Variants in FBRSL1 observed in about 807,000 individuals in gnomAD.
FBRSL1 encodes fibrosin-1-like protein.
Under a neutral mutation model 89.6 loss-of-function variants are expected in FBRSL1, and 51 were observed. The ratio of observed to expected loss-of-function variants is 0.57; its 90% CI spans 0.45 to 0.72. The LOEUF (loss-of-function observed/expected upper bound fraction) is 0.72. FBRSL1 is among the 30% of genes least tolerant of loss of function. The probability of loss-of-function intolerance (pLI) is 0.00; values close to 1 mark genes in which losing one functional copy is unlikely to be tolerated. For synonymous variants in FBRSL1, 779 were observed against 681.1 expected (o/e 1.14, Z -2.24); for missense variants, 1,618 against 1,451.8 (o/e 1.11, Z -1.86).
At chr12:132,517,308 T>A (rs893992897) in intron 2 of FBRSL1, among the ~76,000 whole-genome samples, 2 of 151,672 alleles carry the variant, frequency 1.3e-5, no homozygotes, top group African/African-American at 4.8e-5. Flanking sequence ...TAGGTGGGAG[T>A]GGAAGAGGAA....
chr12:132,509,755 G>T (rs2034116100), intron 2 of FBRSL1: 2 of 1,231,232 alleles, frequency 1.6e-6, no homozygotes, highest in African/African-American at 1.6e-5. Context: ...TGTCACTGTG[G>T]CCAGCCCGGT....
chr12:132,508,355 G>T lies in FBRSL1; in HGVS notation c.489+5G>T. 1.3e-6 allele frequency: 2 copies of T among 1,502,502 alleles called. No homozygotes were observed. Among genetic ancestry groups the T allele is most frequent in the Non-Finnish European group, 8.9e-7 (1 of 1,125,056 alleles). 93.1% of individuals were successfully genotyped at this position (1,502,502 alleles called of 1,614,324 possible). ...CCACTGCAGCCCTCCAAGCAGGTGA[G>T]CAGGTCCCTCCCCGACCGGAAGCTC... On this transcript the variant is annotated splice_donor_5th_base_variant and intron_variant, in intron 2 of 18. Transcript: ENST00000680143.
chr12:132,543,125 GGTGACA>G (rs1167218275), intron 4 of FBRSL1, among the ~76,000 whole-genome samples: 2 of 152,174 alleles, frequency 1.3e-5, no homozygotes, highest in Non-Finnish European at 2.9e-5. Context: ...TGGCAGTGGT[GGTGACA>G]GTGACAGTGA....
At chr12:132,537,090 G>T (rs1224512351) in intron 4 of FBRSL1, among the ~76,000 whole-genome samples, 1 of 152,192 alleles carries the variant, frequency 6.6e-6, no homozygotes, top group Non-Finnish European at 1.5e-5. Flanking sequence ...GAGACAGCTG[G>T]AGGGCCAGAG....
intron 6 of FBRSL1, 64 bp downstream of exon 6, chr12:132,567,590 G>A: frequency 6.7e-7 from 1 of 1,491,048 alleles, no homozygotes; most frequent in Non-Finnish European, 9.1e-7. Context: ...CCTGCGTCTT[G>A]GCGGCAGGAC....
intron 1 of FBRSL1, among the ~76,000 whole-genome samples, chr12:132,505,065 G>A (rs1423622987): frequency 6.6e-6 from 1 of 152,174 alleles, no homozygotes; most frequent in Non-Finnish European, 1.5e-5. Flanking sequence ...TGCAGAAGTT[G>A]CAGTGAGCCA....
At position 132,529,356 on chromosome 12, in the gene FBRSL1, C is replaced by T. The variant is rs183880154; in HGVS notation, c.615+1368C>T. On this transcript the variant is annotated intron_variant, in intron 4 of 18. Coordinates refer to ENST00000680143, the MANE Select transcript of FBRSL1 (RefSeq NM_001367871.1). ...AGCGGCAAGGGAGCGGCATGGGCGG[C>T]GCGGCCACAGGCCAGGAGTGGACCC... is the stretch of plus-strand genomic sequence containing the variant. 5.3e-5 allele frequency among the ~76,000 whole-genome samples: 8 copies of T among 152,308 alleles called. No homozygotes were observed. The East Asian group carries it at 5.8e-4, about 11-fold the overall frequency.
chr12:132,501,215 C>T (rs2032910774), intron 1 of FBRSL1, among the ~76,000 whole-genome samples: 1 of 152,216 alleles, frequency 6.6e-6, no homozygotes. Context: ...GAGCCCAGCC[C>T]CTACCAGCCC....
chr12:132,568,862 G>A (rs2039815531), intron 6 of FBRSL1, among the ~76,000 whole-genome samples: 1 of 151,944 alleles, frequency 6.6e-6, no homozygotes, highest in African/African-American at 2.4e-5. Context: ...GAGTGAAGAT[G>A]GGGCTGCTTC....
chr12:132,509,403 C>G (rs976181927), intron 2 of FBRSL1: 1 of 1,242,386 alleles, frequency 8.0e-7, no homozygotes, highest in African/African-American at 1.6e-5. Context: ...CCAGCCCCGG[C>G]GGTCACTTCT....
chr12:132,490,427 G>C lies in FBRSL1; in HGVS notation c.-144G>C. 4.0e-6 allele frequency: 2 copies of C among 496,630 alleles called. No individual in the cohort carries two copies. The highest frequency in any genetic ancestry group is 5.1e-6 in the Non-Finnish European group (2 of 391,594). 30.8% of individuals were successfully genotyped at this position (496,630 alleles called of 1,614,324 possible). A position where few individuals can be genotyped will look rare whatever the true frequency, so the allele number is the denominator to read the frequency against. On this transcript the variant is annotated 5_prime_UTR_variant, in exon 1 of 19. Coordinates refer to ENST00000680143, the MANE Select transcript of FBRSL1 (RefSeq NM_001367871.1). The stretch of plus-strand genomic sequence containing the variant: ...CCCCCGCGCCCGGCATGCCCGGCCC[G>C]GCCCGCCGCCCGCCGCCGCCCAGGG...
rs1315522186 is a variant in FBRSL1, at chr12:132,572,674, G to C, written c.1530+52G>C. On this transcript the variant is annotated intron_variant, in intron 11 of 18. Transcript: ENST00000680143. ...GGGCACAGCGGGTGGGTGGATTTTG[G>C]GGGGAGTGCATGACAACCTCGCCAA... is the stretch of plus-strand genomic sequence containing the variant. The C allele has an allele frequency of 4.6e-6, 6 of 1,311,900 alleles. No individual in the cohort carries two copies. The East Asian group carries it at 1.5e-4, about 33-fold the overall frequency. 81.3% of individuals were successfully genotyped at this position (1,311,900 alleles called of 1,614,324 possible).
chr12:132,562,823 G>A (rs910652579), intron 5 of FBRSL1, among the ~76,000 whole-genome samples: 5 of 152,144 alleles, frequency 3.3e-5, no homozygotes, highest in African/African-American at 1.2e-4. Flanking sequence ...AGGCCCTTGC[G>A]ACGTGACTAG....
chr12:132,511,234 ACTGAAGGGTTGC>A (rs1488613288), intron 2 of FBRSL1: 1 of 984,192 alleles, frequency 1.0e-6, no homozygotes, highest in African/African-American at 1.8e-5. Context: ...GTGGGCATGC[ACTGAAGGGTTGC>A]CTGCAGGGTC....
intron 1 of FBRSL1, among the ~76,000 whole-genome samples, chr12:132,496,444 T>C (rs2032046138): frequency 6.6e-6 from 1 of 152,208 alleles, no homozygotes; most frequent in Non-Finnish European, 1.5e-5. Flanking sequence ...CTTGTGTTTT[T>C]GTCACTCTGG....
At chr12:132,503,090 G>C (rs2033222263) in intron 1 of FBRSL1, among the ~76,000 whole-genome samples, 1 of 151,760 alleles carries the variant, frequency 6.6e-6, no homozygotes, top group African/African-American at 2.4e-5. Flanking sequence ...GGCCAAGCTG[G>C]GCCTCACAGT....
chr12:132,551,389 G>A, intron 5 of FBRSL1: 1 of 456,040 alleles, frequency 2.2e-6, no homozygotes, highest in Non-Finnish European at 4.4e-6. Context: ...TGGGGTCTGT[G>A]GGCGCTGACC....
intron 5 of FBRSL1, among the ~76,000 whole-genome samples, chr12:132,563,373 G>A (rs117385254): frequency 0.025 from 1,038 of 41,662 alleles, 24 homozygotes; most frequent in East Asian, 0.082. Flanking sequence ...CGTACCCCAC[G>A]CCTGGCCCCC....
At chr12:132,561,073 C>G (rs1426992873) in intron 5 of FBRSL1, among the ~76,000 whole-genome samples, 1 of 152,122 alleles carries the variant, frequency 6.6e-6, no homozygotes, top group Non-Finnish European at 1.5e-5. Flanking sequence ...AGGGCCGGCC[C>G]CTGTTCTGCT....
Sources: gnomAD v4.1 joint callset for allele counts (sites outside exome capture counted in the v4.1 genomes callset) on GRCh38, gnomAD v4.1.1 for gene constraint, MANE v1.5 for transcripts, NCBI Gene and HGNC (gene_info 2026-07-23, HGNC 2026-07-21) for gene names.